The following KIFC3 variants were observed in gnomAD, a reference collection of about 807,000 sequenced individuals.
KIFC3 encodes the protein kinesin-like protein KIFC3.
In KIFC3, 60 loss-of-function variants were observed where a neutral mutation model predicts 101.8. That is an observed-to-expected ratio of 0.59 (90% CI 0.48 to 0.73). The LOEUF (loss-of-function observed/expected upper bound fraction) is 0.73. Among genes scored for constraint, KIFC3 ranks in the 30% least tolerant of loss-of-function variants. The pLI is 0.00. For synonymous variants in KIFC3, 476 were observed against 482.7 expected (o/e 0.99, Z 0.18); for missense variants, 966 against 1,137.1 (o/e 0.85, Z 2.16).
At chr16:57,807,935 A>AAAAAC (rs1397003623), upstream of KIFC3, 1,273 of 21,170 alleles carry the variant, frequency 0.06, 56 homozygotes, top group African/African-American at 0.093. Flanking sequence ...GTCTTAAAAA[A>AAAAAC]AAAAAAAAAA....
Position 57,761,176 on chromosome 16 carries a change from G to C in KIFC3, c.1873-5C>G, listed in dbSNP as rs782165814. On this transcript the variant is annotated splice_region_variant and splice_polypyrimidine_tract_variant and intron_variant, in intron 14 of 19. Transcript: ENST00000445690. ...AGTGTGGCCAAACTCAAACACCTGG[G>C]GGATTGGGAGGAGGGCAGAGGCACA... The C allele has an allele frequency of 3.1e-6, 5 of 1,613,598 alleles. No homozygotes were observed. In the African/African-American group the frequency reaches 6.7e-5, roughly 22 times the overall value.
chr16:57,845,176 A>G (rs780545163), intron 1 of KIFC3, among the ~76,000 whole-genome samples: 23 of 152,156 alleles, frequency 1.5e-4, no homozygotes, highest in Non-Finnish European at 2.6e-4. Flanking sequence ...TAGCAACTGC[A>G]TCCTTTCAGT....
chr16:57,774,586 G>A (rs1053477097), intron 3 of KIFC3: 2 of 197,782 alleles, frequency 1.0e-5, no homozygotes, highest in Non-Finnish European at 1.0e-5. Flanking sequence ...GCAGTGCCTC[G>A]ATCTAGGCTC....
chr16:57,841,362 T>C (rs1230036686), intron 1 of KIFC3, among the ~76,000 whole-genome samples: 5 of 152,150 alleles, frequency 3.3e-5, no homozygotes, highest in Admixed American at 2.0e-4. Context: ...TAAAGTTCCC[T>C]ATTACATTAA....
At chr16:57,820,456 G>T (rs1555629710) in intron 1 of KIFC3, among the ~76,000 whole-genome samples, 2 of 151,724 alleles carry the variant, frequency 1.3e-5, no homozygotes. Flanking sequence ...TTTATTCTTC[G>T]TAGAGATGAG....
At chr16:57,821,608 G>A (rs1394097319) in intron 1 of KIFC3, among the ~76,000 whole-genome samples, 8 of 152,168 alleles carry the variant, frequency 5.3e-5, no homozygotes, top group Admixed American at 5.2e-4. Context: ...GCCCCCCGCT[G>A]TTTCTTGTAG....
At chr16:57,819,878 T>C (rs1432487990) in intron 1 of KIFC3, among the ~76,000 whole-genome samples, 1 of 151,800 alleles carries the variant, frequency 6.6e-6, no homozygotes, top group Admixed American at 6.6e-5. Context: ...TTATTTTATT[T>C]ATTTATTGAG....
intron 1 of KIFC3, among the ~76,000 whole-genome samples, chr16:57,810,249 C>G (rs113453053): frequency 6.6e-6 from 1 of 152,146 alleles, no homozygotes; most frequent in Non-Finnish European, 1.5e-5. Flanking sequence ...AGGGAAGCCA[C>G]GTGCTCCTGG....
chr16:57,802,723 G>A (rs1355594955), upstream of KIFC3: 5 of 782,642 alleles, frequency 6.4e-6, no homozygotes, highest in Non-Finnish European at 9.9e-6. The surrounding 1 kb of genome is among the most constrained non-coding windows in gnomAD (Gnocchi z 5.0). Context: ...TCCCGCACTC[G>A]CACTGGCACA....
intron 2 of KIFC3, among the ~76,000 whole-genome samples, chr16:57,795,898 T>TTTG (rs1568048210): frequency 1.4e-5 from 2 of 144,814 alleles, no homozygotes; most frequent in African/African-American, 5.2e-5. Flanking sequence ...TTTTTTTTTT[T>TTTG]TTTTTTTTTT....
intron 1 of KIFC3, among the ~76,000 whole-genome samples, chr16:57,857,822 C>CTTTTTTTTTTTT (rs57102595): frequency 3.2e-5 from 3 of 92,784 alleles, no homozygotes; most frequent in Non-Finnish European, 5.6e-5. Context: ...TTCTTTCTTT[C>CTTTTTTTTTTTT]TTTTTTTTTT....
At chr16:57,787,443 C>T (rs1397248317) in intron 3 of KIFC3, among the ~76,000 whole-genome samples, 2 of 152,170 alleles carry the variant, frequency 1.3e-5, no homozygotes, top group Admixed American at 1.3e-4. Flanking sequence ...AGGGGCTCGC[C>T]GGGTCTCAGC....
intron 1 of KIFC3, among the ~76,000 whole-genome samples, chr16:57,812,779 G>A (rs1197990196): frequency 6.6e-6 from 1 of 152,198 alleles, no homozygotes; most frequent in Non-Finnish European, 1.5e-5. Flanking sequence ...CAGTTGCCTG[G>A]AAACATCTTA....
intron 1 of KIFC3, among the ~76,000 whole-genome samples, chr16:57,860,710 TTTTA>T (rs145779822): frequency 0.062 from 9,360 of 151,714 alleles, 571 homozygotes; most frequent in East Asian, 0.21. Context: ...ACTTTAAACT[TTTTA>T]TTTATTTATT....
At chr16:57,791,797 G>A (rs2053892705) in intron 3 of KIFC3, among the ~76,000 whole-genome samples, 1 of 152,220 alleles carries the variant, frequency 6.6e-6, no homozygotes, top group Non-Finnish European at 1.5e-5. Flanking sequence ...GATGGCTCAA[G>A]ACAGAGTAAA....
At position 57,758,460 on chromosome 16, in the gene KIFC3, G is replaced by T. The variant is rs1269017321; in HGVS notation, c.*474C>A. The T allele has an allele frequency of 5.1e-6, 2 of 390,028 alleles. No homozygotes were observed. The highest frequency in any genetic ancestry group is 7.2e-5 in the Admixed American group (2 of 27,818). 24.2% of individuals were successfully genotyped at this position (390,028 alleles called of 1,614,324 possible). On this transcript the variant is annotated 3_prime_UTR_variant, in exon 20 of 20. Coordinates refer to ENST00000445690, the MANE Select transcript of KIFC3 (RefSeq NM_001130100.2). ...GGAACCCTCCTTGAAGGAGAGGGGCGGGGAGGGCTGCCATTGGTGCCACCA... is the reference window on the plus strand; with the variant it reads ...GGAACCCTCCTTGAAGGAGAGGGGCTGGGAGGGCTGCCATTGGTGCCACCA...
intron 1 of KIFC3, among the ~76,000 whole-genome samples, chr16:57,821,120 G>C (rs1555629823): frequency 6.9e-6 from 1 of 144,260 alleles, no homozygotes; most frequent in Non-Finnish European, 1.5e-5. Flanking sequence ...GACACAGCAA[G>C]CCTGTGTATT....
At chr16:57,802,944 C>A, upstream of KIFC3, 1 of 1,532,994 alleles carries the variant, frequency 6.5e-7, no homozygotes, top group South Asian at 1.2e-5. This position sits in a 1 kb window ranked among gnomAD's most constrained non-coding sequence, Gnocchi z 5.0. Flanking sequence ...CCAACACACA[C>A]ACAAGCTCTT....
chr16:57,798,159 CG>C lies in KIFC3; in HGVS notation c.84del (p.Glu29SerfsTer27), dbSNP rs2054491079. On this transcript the variant is annotated frameshift_variant, in exon 2 of 20. Transcript: ENST00000445690. LOFTEE classifies it high-confidence loss of function. ...GGGGCGGGGCGAGCCATCCCCGGCT[CG>C]GGCTCCGGGGCCCGGCCCACTCTCC... ...GLWRVGRAPE[P>X]EPGMARPAPA... 2 of 1,542,612 alleles carry C rather than the reference CG, an allele frequency of 1.3e-6. No homozygotes were observed. The highest frequency in any genetic ancestry group is 1.7e-6 in the Non-Finnish European group (2 of 1,144,188).
Sources: gnomAD v4.1 joint callset for allele counts (sites outside exome capture counted in the v4.1 genomes callset) on GRCh38, gnomAD v4.1.1 for gene constraint, Gnocchi (gnomAD v3.1) non-coding constraint, MANE v1.5 for transcripts, NCBI Gene and HGNC (gene_info 2026-07-23, HGNC 2026-07-21) for gene names.